MET: variants seen among roughly 807,000 people sequenced by gnomAD.
MET encodes the protein MET proto-oncogene, receptor tyrosine kinase.
MET carries 48 observed loss-of-function variants against 133.1 expected under a neutral mutation model. That is an observed-to-expected ratio of 0.36 (90% CI 0.29 to 0.46). The LOEUF (loss-of-function observed/expected upper bound fraction) is 0.46. MET is among the 20% of genes least tolerant of loss of function. MET has a pLI of 1.00. For missense variants in MET, 1,442 were observed against 1,695.9 expected (o/e 0.85, Z 2.63); for synonymous variants, 628 against 616.5 (o/e 1.02, Z -0.28).
chr7:116,757,453 G>A lies in MET; in HGVS notation c.1879G>A (p.Gly627Ser). ...STMNTLKCTVGPAMNKHFNMS... is the reference protein window; with the variant it reads ...STMNTLKCTVSPAMNKHFNMS... ...TTTTTCCAGATTGAAATGCACAGTTGGTCCTGCCATGAATAAGCATTTCAA... is the reference window on the plus strand; with the variant it reads ...TTTTTCCAGATTGAAATGCACAGTTAGTCCTGCCATGAATAAGCATTTCAA... Residue 627 changes from glycine to serine, a missense_variant, in exon 7 of 21, where the codon GGT becomes AGT. By Grantham distance (56) the Gly-to-Ser change is moderately conservative (BLOSUM62 0). This residue lies in a region of MET where 762 missense variants were observed against 792.4 expected (regional missense o/e 0.96). Transcript: ENST00000397752. 2.5e-6 allele frequency: 4 copies of A among 1,613,076 alleles called. No homozygotes were observed. Among genetic ancestry groups the A allele is most frequent in the Non-Finnish European group, 3.4e-6 (4 of 1,179,756 alleles).
In MET at chr7:116,755,375, C is replaced by A. The variant is rs1562920359; in HGVS notation, c.1722C>A (p.Pro574=). The A allele has an allele frequency of 1.2e-6, 2 of 1,613,804 alleles. No homozygotes were observed. Among genetic ancestry groups the A allele is most frequent in the South Asian group, 1.1e-5 (1 of 91,074 alleles). ...AIYKVFPNSA[P]LEGGTRLTIC... ...TGTAGGTTTTCCCAAATAGTGCACC[C>A]CTTGAAGGAGGGACAAGGCTGACCA... Residue 574 remains proline, a synonymous_variant, in exon 6 of 21, where the codon CCC becomes CCA. Coordinates refer to ENST00000397752, the MANE Select transcript of MET (RefSeq NM_000245.4).
At chr7:116,685,842 C>CT (rs1279628429) in intron 1 of MET, among the ~76,000 whole-genome samples, 1 of 152,112 alleles carries the variant, frequency 6.6e-6, no homozygotes, top group Non-Finnish European at 1.5e-5. Context: ...GCATATTCTC[C>CT]TTTTTTTCTC....
At chr7:116,706,943 G>C (rs1726763857) in intron 2 of MET, among the ~76,000 whole-genome samples, 1 of 149,906 alleles carries the variant, frequency 6.7e-6, no homozygotes, top group Non-Finnish European at 1.5e-5. Context: ...TAGGATCCTG[G>C]ATACATTCCA....
At chr7:116,766,774 A>G (rs1794642068) in intron 11 of MET, among the ~76,000 whole-genome samples, 1 of 152,188 alleles carries the variant, frequency 6.6e-6, no homozygotes, top group South Asian at 2.1e-4. Context: ...GTTTCATAGT[A>G]TCTAATAATA....
At chr7:116,696,263 A>ACCCACTGCCT (rs371066721) in intron 1 of MET, among the ~76,000 whole-genome samples, 42 of 152,212 alleles carry the variant, frequency 2.8e-4, no homozygotes, top group African/African-American at 9.6e-4. Context: ...ATAACTGTTA[A>ACCCACTGCCT]CCATCAAGTG....
intron 1 of MET, among the ~76,000 whole-genome samples, chr7:116,695,555 G>C (rs1796932538): frequency 6.6e-6 from 1 of 152,168 alleles, no homozygotes; most frequent in East Asian, 1.9e-4. Context: ...TAGAATCAGA[G>C]GGCTGATTGT....
At chr7:116,755,043 A>AGAAAGAAAGAAG in intron 5 of MET, among the ~76,000 whole-genome samples, 1 of 151,364 alleles carries the variant, frequency 6.6e-6, no homozygotes, top group Non-Finnish European at 1.5e-5. Flanking sequence ...AAAGAAAGAA[A>AGAAAGAAAGAAG]AGAAAGAAAG....
chr7:116,697,999 G>A (rs1584874394), intron 1 of MET, among the ~76,000 whole-genome samples: 1 of 152,276 alleles, frequency 6.6e-6, no homozygotes, highest in South Asian at 2.1e-4. Flanking sequence ...TGTGGTTTTT[G>A]TAGATCCAGG....
At chr7:116,773,477 C>T (rs1414067460) in intron 14 of MET, among the ~76,000 whole-genome samples, 1 of 152,184 alleles carries the variant, frequency 6.6e-6, no homozygotes, top group East Asian at 1.9e-4. Flanking sequence ...TCAATCTGTG[C>T]ACCCTTAAGC....
At chr7:116,757,342 C>A in intron 6 of MET, 95 bp from the exon 7 acceptor site, 1 of 974,358 alleles carries the variant, frequency 1.0e-6, no homozygotes, top group Non-Finnish European at 1.6e-6. Flanking sequence ...AAGCAGTCAG[C>A]TCACCATTTA....
chr7:116,794,825 CA>C (rs370444948), intron 19 of MET, among the ~76,000 whole-genome samples: 32 of 152,342 alleles, frequency 2.1e-4, no homozygotes, highest in Admixed American at 3.9e-4. Context: ...GGCACATGTC[CA>C]GGGGGAGATA....
At chr7:116,793,697 G>C (rs1265295558) in intron 19 of MET, among the ~76,000 whole-genome samples, 1 of 151,556 alleles carries the variant, frequency 6.6e-6, no homozygotes, top group East Asian at 2.0e-4. Context: ...TCAGGAGTTA[G>C]AGACCAGCCT....
intron 2 of MET, among the ~76,000 whole-genome samples, chr7:116,704,025 T>C (rs1368694040): frequency 6.6e-6 from 1 of 152,130 alleles, no homozygotes; most frequent in African/African-American, 2.4e-5. Flanking sequence ...ATGACCTTAA[T>C]GACCAAAGTT....
chr7:116,775,284 G>A (rs1794959827), intron 15 of MET, among the ~76,000 whole-genome samples, 173 bp downstream of exon 15: 1 of 152,222 alleles, frequency 6.6e-6, no homozygotes, highest in Non-Finnish European at 1.5e-5. Context: ...CATATCCGTG[G>A]GGATTTGCCC....
At chr7:116,712,317 G>A (rs1792032259) in intron 2 of MET, among the ~76,000 whole-genome samples, 1 of 152,042 alleles carries the variant, frequency 6.6e-6, no homozygotes, top group Non-Finnish European at 1.5e-5. Context: ...CGTTTCCTGA[G>A]CACACCAGTA....
rs1554379184 is a variant in MET, at chr7:116,700,242, C to T, written c.1158C>T (p.Leu386=). The T allele has an allele frequency of 3.7e-6, 6 of 1,602,386 alleles. No individual in the cohort carries two copies. The highest frequency in any genetic ancestry group is 5.1e-6 in the Non-Finnish European group (6 of 1,177,228). The stretch of plus-strand genomic sequence containing the variant: ...TCAACAAAAACAATGTGAGATGTCT[C>T]CAGCATTTTTACGGACCCAATCATG... ...KIVNKNNVRC[L]QHFYGPNHEH... The change falls in exon 2 of 21, where the codon CTC becomes CTT. Residue 386 remains leucine (L), a synonymous_variant. Coordinates refer to ENST00000397752, the MANE Select transcript of MET (RefSeq NM_000245.4).
chr7:116,722,407 C>T (rs1448163855), intron 2 of MET, among the ~76,000 whole-genome samples: 1 of 150,456 alleles, frequency 6.6e-6, no homozygotes, highest in Non-Finnish European at 1.5e-5. Context: ...CTGAATACAG[C>T]ACACTGATGG....
chr7:116,673,978 G>C (rs1796065286), intron 1 of MET, among the ~76,000 whole-genome samples: 1 of 152,146 alleles, frequency 6.6e-6, no homozygotes, highest in African/African-American at 2.4e-5. Context: ...AGAAATTTTG[G>C]TAGTACAAAA....
intron 1 of MET, chr7:116,695,735 C>T (rs752977785): frequency 2.1e-6 from 1 of 481,898 alleles, no homozygotes; most frequent in East Asian, 5.3e-5. Context: ...GATAATAATA[C>T]TTCCTTCTTC....
Sources: gnomAD v4.1 joint callset for allele counts (sites outside exome capture counted in the v4.1 genomes callset) on GRCh38, gnomAD v4.1.1 for gene constraint, gnomAD v4.1.1 regional missense constraint, MANE v1.5 for transcripts, NCBI Gene and HGNC (gene_info 2026-07-23, HGNC 2026-07-21) for gene names.